RPS6KC1: variants seen among roughly 807,000 people sequenced by gnomAD.
RPS6KC1 encodes the protein inactive ribosomal protein S6 kinase delta-1.
Under a neutral mutation model 103.8 loss-of-function variants are expected in RPS6KC1, and 54 were observed. The observed-to-expected ratio is 0.52, with a 90% CI of 0.42 to 0.65. The LOEUF is 0.65. RPS6KC1 is among the 30% of genes least tolerant of loss of function. The pLI is 0.00. For missense variants in RPS6KC1, 1,151 were observed against 1,253.8 expected, an observed-to-expected ratio of 0.92 and a Z score of 1.24; for synonymous variants, 439 against 438.7, an observed-to-expected ratio of 1.00 and a Z score of -0.01.
chr1:213,424,749 T>A, the RPS6KC1 span, among the ~76,000 whole-genome samples: 1 of 152,260 alleles, frequency 6.6e-6, no homozygotes, highest in Non-Finnish European at 1.5e-5. Context: ...TTTACCAAAA[T>A]AAACCAAGTC....
the RPS6KC1 span, among the ~76,000 whole-genome samples, chr1:213,669,333 G>A: frequency 6.6e-6 from 1 of 152,156 alleles, no homozygotes; most frequent in Non-Finnish European, 1.5e-5. Context: ...AGGGAATAGG[G>A]AGGACTGAGG....
At chr1:213,628,600 T>C in the RPS6KC1 span, among the ~76,000 whole-genome samples, 2 of 152,198 alleles carry the variant, frequency 1.3e-5, no homozygotes, top group Non-Finnish European at 2.9e-5. Flanking sequence ...TAACATTAGG[T>C]ATATCTCCTA....
At chr1:213,383,008 A>G in the RPS6KC1 span, among the ~76,000 whole-genome samples, 1 of 152,190 alleles carries the variant, frequency 6.6e-6, no homozygotes, top group Non-Finnish European at 1.5e-5. Context: ...CACGGGTTAG[A>G]TTGGCATTCA....
the RPS6KC1 span, among the ~76,000 whole-genome samples, chr1:213,543,370 A>ATT: frequency 1.3e-5 from 2 of 152,196 alleles, no homozygotes; most frequent in African/African-American, 4.8e-5. Context: ...AGGAGGAAGA[A>ATT]TTTAAAACAC....
rs1455631099 is a variant in RPS6KC1, at chr1:213,149,147, TATTTC to T, written c.836-18704_836-18700del. Among the ~76,000 whole-genome samples, 23 of 152,306 alleles carry T rather than the reference TATTTC, an allele frequency of 1.5e-4. No homozygotes were observed. The East Asian group carries it at 3.7e-3, about 24-fold the overall frequency. ...TTTTTGTTTCACTCATCATCTGTAT[TATTTC>T]ATTTCAGTTCATTCATTGCTACTCT... On this transcript the variant is annotated intron_variant, in intron 6 of 14. Coordinates refer to ENST00000366960, the MANE Select transcript of RPS6KC1 (RefSeq NM_012424.6).
the RPS6KC1 span, among the ~76,000 whole-genome samples, chr1:213,373,423 G>A: frequency 2.0e-5 from 3 of 152,164 alleles, no homozygotes; most frequent in Non-Finnish European, 2.9e-5. Context: ...TTCAGCCCTT[G>A]GATCCAGCTG....
rs1236295625 is a variant in RPS6KC1, at chr1:213,272,689, C to T, written c.*55C>T. Reference sequence around the variant, plus strand: ...TGATCTTCTCTGTGACAGGCATCTCCAGCACTGAGGCACCTCTGACTCACA... The same window carrying T: ...TGATCTTCTCTGTGACAGGCATCTCTAGCACTGAGGCACCTCTGACTCACA... On this transcript the variant is annotated 3_prime_UTR_variant, in exon 15 of 15. Transcript: ENST00000366960. The T allele has an allele frequency of 2.3e-6, 3 of 1,313,570 alleles. No individual in the cohort carries two copies. The highest frequency in any genetic ancestry group is 1.4e-5 in the African/African-American group (1 of 69,002). 81.4% of individuals were successfully genotyped at this position (1,313,570 alleles called of 1,614,324 possible).
intron 8 of RPS6KC1, among the ~76,000 whole-genome samples, chr1:213,225,063 G>A (rs925067492): frequency 7.9e-5 from 12 of 152,086 alleles, no homozygotes; most frequent in Non-Finnish European, 1.3e-4. Context: ...TGAAGTTGAA[G>A]GTGCTTCTTT....
At chr1:213,348,084 G>A in the RPS6KC1 span, among the ~76,000 whole-genome samples, 3 of 152,122 alleles carry the variant, frequency 2.0e-5, no homozygotes, top group East Asian at 1.9e-4. Flanking sequence ...TCTCTTTACC[G>A]AGTCTAAGGG....
At chr1:213,494,810 G>T in the RPS6KC1 span, among the ~76,000 whole-genome samples, 73 of 151,802 alleles carry the variant, frequency 4.8e-4, no homozygotes, top group African/African-American at 1.7e-3. Flanking sequence ...TCTACAAGAG[G>T]TATATTGTAA....
At chr1:213,382,086 G>T in the RPS6KC1 span, among the ~76,000 whole-genome samples, 1 of 152,060 alleles carries the variant, frequency 6.6e-6, no homozygotes, top group African/African-American at 2.4e-5. Context: ...TTTCCCTTCC[G>T]TGTTGGCTCT....
the RPS6KC1 span, among the ~76,000 whole-genome samples, chr1:213,828,802 C>T: frequency 6.6e-6 from 1 of 152,128 alleles, no homozygotes; most frequent in Non-Finnish European, 1.5e-5. Context: ...ACTGAAGGAA[C>T]CACAGTGGAT....
chr1:213,190,618 T>C (rs1030967131), intron 8 of RPS6KC1, among the ~76,000 whole-genome samples: 1 of 152,214 alleles, frequency 6.6e-6, no homozygotes, highest in African/African-American at 2.4e-5. Context: ...TTCACTTTTT[T>C]GATTGTTTTC....
At chr1:213,592,775 A>G in the RPS6KC1 span, among the ~76,000 whole-genome samples, 1 of 152,238 alleles carries the variant, frequency 6.6e-6, no homozygotes, top group Non-Finnish European at 1.5e-5. Context: ...GTCCTGAGAT[A>G]CAGTAGTGGA....
chr1:213,735,105 A>G, the RPS6KC1 span, among the ~76,000 whole-genome samples: 1 of 152,098 alleles, frequency 6.6e-6, no homozygotes, highest in Non-Finnish European at 1.5e-5. Flanking sequence ...TTGTAGTTTT[A>G]GTAGAGATGG....
chr1:213,413,545 A>C, the RPS6KC1 span, among the ~76,000 whole-genome samples: 5,357 of 152,310 alleles, frequency 0.035, 119 homozygotes, highest in African/African-American at 0.051. Context: ...TAGTTCACTC[A>C]TGTGGCTGGC....
At chr1:213,560,874 G>A in the RPS6KC1 span, among the ~76,000 whole-genome samples, 3 of 152,200 alleles carry the variant, frequency 2.0e-5, no homozygotes, top group Non-Finnish European at 4.4e-5. Flanking sequence ...CAGTGGGCAA[G>A]CCTGCTTTTT....
chr1:213,761,071 T>C, the RPS6KC1 span, among the ~76,000 whole-genome samples: 2 of 151,888 alleles, frequency 1.3e-5, no homozygotes, highest in Non-Finnish European at 2.9e-5. Flanking sequence ...GGTGACTCTG[T>C]TAAGGTTCCA....
At chr1:213,706,728 G>A in the RPS6KC1 span, among the ~76,000 whole-genome samples, 6 of 152,008 alleles carry the variant, frequency 3.9e-5, no homozygotes, top group Non-Finnish European at 8.8e-5. Flanking sequence ...GCCCCAGTGT[G>A]TGTTGTTTCC....
Sources: allele counts gnomAD v4.1 joint callset (sites outside exome capture counted in the v4.1 genomes callset), GRCh38; gene constraint gnomAD v4.1.1; transcripts MANE v1.5; gene names NCBI Gene and HGNC (gene_info 2026-07-23, HGNC 2026-07-21).